TEAD1: variants seen among roughly 807,000 people sequenced by gnomAD.
TEAD1 encodes the protein TEA domain transcription factor 1.
In TEAD1, 9 loss-of-function variants were observed where a neutral mutation model predicts 54.9. The ratio of observed to expected loss-of-function variants is 0.16; its 90% CI spans 0.10 to 0.29. TEAD1 has a LOEUF of 0.29. TEAD1 is among the 10% of genes least tolerant of loss of function. The pLI is 1.00. For synonymous variants in TEAD1, 200 were observed against 187.8 expected (o/e 1.07, Z -0.53); for missense variants, 387 against 535.9 (o/e 0.72, Z 2.74).
intron 3 of TEAD1, among the ~76,000 whole-genome samples, chr11:12,791,265 A>G (rs1049215572): frequency 2.6e-5 from 4 of 152,230 alleles, no homozygotes; most frequent in Non-Finnish European, 5.9e-5. Flanking sequence ...AAGGAAATTC[A>G]GGAGTCTTTT....
At chr11:12,892,476 T>A (rs1948216693) in intron 9 of TEAD1, among the ~76,000 whole-genome samples, 1 of 152,026 alleles carries the variant, frequency 6.6e-6, no homozygotes, top group Non-Finnish European at 1.5e-5. Context: ...AATCCCCCGC[T>A]TCTACAAAAA....
intron 2 of TEAD1, among the ~76,000 whole-genome samples, chr11:12,676,143 A>G (rs541392001): frequency 2.7e-4 from 41 of 152,388 alleles, no homozygotes; most frequent in African/African-American, 9.4e-4. Context: ...AGCCTGCCAC[A>G]TTTCAAAATA....
chr11:12,742,210 G>C lies in TEAD1; in HGVS notation c.-54-21969G>C, dbSNP rs536878011. On this transcript the variant is annotated intron_variant, in intron 2 of 12. Coordinates refer to ENST00000527636, the MANE Select transcript of TEAD1 (RefSeq NM_021961.6). ...TTAGACTTTGAGTTCAAGGTGTGAT[G>C]AACCTGGGTTTGAATTTCACCTTGA... is the stretch of plus-strand genomic sequence containing the variant. Among the ~76,000 whole-genome samples the C allele has an allele frequency of 3.3e-5, 5 of 152,336 alleles. No homozygotes were observed. In the East Asian group the frequency reaches 7.7e-4, roughly 23 times the overall value.
intron 2 of TEAD1, among the ~76,000 whole-genome samples, chr11:12,744,671 G>A (rs1338417377): frequency 6.6e-6 from 1 of 152,038 alleles, no homozygotes; most frequent in Non-Finnish European, 1.5e-5. Context: ...TATAACTAGA[G>A]GTGTTCCAGA....
intron 3 of TEAD1, among the ~76,000 whole-genome samples, chr11:12,797,623 T>C (rs1445969420): frequency 6.6e-6 from 1 of 152,050 alleles, no homozygotes; most frequent in Non-Finnish European, 1.5e-5. Flanking sequence ...TGGTTATCTT[T>C]AAGGTTTTAT....
chr11:12,887,042 A>G (rs188926872), intron 9 of TEAD1, among the ~76,000 whole-genome samples: 20 of 151,934 alleles, frequency 1.3e-4, no homozygotes, highest in African/African-American at 4.3e-4. Flanking sequence ...GTTGAACACA[A>G]ATGATTTAAT....
intron 3 of TEAD1, among the ~76,000 whole-genome samples, chr11:12,776,956 G>T (rs1259930460): frequency 6.6e-6 from 1 of 151,760 alleles, no homozygotes; most frequent in Admixed American, 6.6e-5. Flanking sequence ...CACCATGCTC[G>T]GCTAATTTTG....
chr11:12,933,150 C>G (rs10734206), intron 12 of TEAD1, among the ~76,000 whole-genome samples: 61,452 of 151,946 alleles, frequency 0.4, 12,944 homozygotes, highest in African/African-American at 0.51. Context: ...TGTTAAGCAA[C>G]TCATCACTGT....
rs575471397 is a variant in TEAD1 at position 12,840,438 on chromosome 11, T to C, written c.203-21812T>C. Among the ~76,000 whole-genome samples, 52 of 152,078 alleles carry C rather than the reference T, an allele frequency of 3.4e-4. 1 individual carries two copies. Among genetic ancestry groups the C allele is most frequent in the Non-Finnish European group, 1.2e-4 (8 of 68,018 alleles). ...ATATTCAGTGTTGTGCTGGTAAATATAACCTCCTATAATTAAATTGTAAAG... is the reference window on the plus strand; with the variant it reads ...ATATTCAGTGTTGTGCTGGTAAATACAACCTCCTATAATTAAATTGTAAAG... On this transcript the variant is annotated intron_variant, in intron 3 of 12. Coordinates refer to ENST00000527636, the MANE Select transcript of TEAD1 (RefSeq NM_021961.6).
chr11:12,715,801 C>T (rs1944047385), intron 2 of TEAD1, among the ~76,000 whole-genome samples: 1 of 152,036 alleles, frequency 6.6e-6, no homozygotes. Context: ...AAAATTTATA[C>T]TAATAAATTA....
chr11:12,852,560 G>C (rs762792959), intron 3 of TEAD1, among the ~76,000 whole-genome samples: 1 of 150,876 alleles, frequency 6.6e-6, no homozygotes, highest in Non-Finnish European at 1.5e-5. Flanking sequence ...CAATTCCCTT[G>C]CCTCAGCCTC....
intron 2 of TEAD1, among the ~76,000 whole-genome samples, chr11:12,686,941 C>T (rs1223980608): frequency 6.6e-6 from 1 of 152,078 alleles, no homozygotes; most frequent in Admixed American, 6.5e-5. Flanking sequence ...AAAACAATGG[C>T]GTCTAGACTT....
chr11:12,800,447 T>A (rs1044102340), intron 3 of TEAD1, among the ~76,000 whole-genome samples: 1 of 152,214 alleles, frequency 6.6e-6, no homozygotes. Context: ...TGCTCTTGGA[T>A]AGTTCTCATA....
At chr11:12,678,889 G>A (rs1281625863) in intron 2 of TEAD1, among the ~76,000 whole-genome samples, 1 of 152,148 alleles carries the variant, frequency 6.6e-6, no homozygotes, top group Non-Finnish European at 1.5e-5. Flanking sequence ...TACAGAATAG[G>A]GTAGCTTTGA....
chr11:12,727,201 T>A (rs1374696377), intron 2 of TEAD1, among the ~76,000 whole-genome samples: 1 of 152,114 alleles, frequency 6.6e-6, no homozygotes, highest in Non-Finnish European at 1.5e-5. Flanking sequence ...GATGGCACCA[T>A]TGCACTCCAG....
intron 10 of TEAD1, among the ~76,000 whole-genome samples, chr11:12,913,301 T>C (rs1186528099): frequency 6.6e-6 from 1 of 152,070 alleles, no homozygotes; most frequent in Non-Finnish European, 1.5e-5. Context: ...GTGATGCAGG[T>C]TTGTTATGAA....
intron 3 of TEAD1, among the ~76,000 whole-genome samples, chr11:12,833,806 CA>C (rs765073333): frequency 3.3e-5 from 5 of 152,020 alleles, no homozygotes; most frequent in Non-Finnish European, 7.4e-5. Context: ...TTTAATTAGT[CA>C]TTTTATAGAT....
intron 2 of TEAD1, among the ~76,000 whole-genome samples, chr11:12,704,446 T>G (rs1229057982): frequency 6.6e-6 from 1 of 152,230 alleles, no homozygotes; most frequent in South Asian, 2.1e-4. Flanking sequence ...GTGCCTTTGC[T>G]TCCACCGGCA....
chr11:12,916,978 C>T (rs1948725299), intron 10 of TEAD1, among the ~76,000 whole-genome samples: 2 of 152,180 alleles, frequency 1.3e-5, no homozygotes, highest in Admixed American at 6.5e-5. Flanking sequence ...CAGAGGAGCT[C>T]ATTTCAACTT....
Sources: gnomAD v4.1 joint callset for allele counts (sites outside exome capture counted in the v4.1 genomes callset) on GRCh38, gnomAD v4.1.1 for gene constraint, MANE v1.5 for transcripts, NCBI Gene and HGNC (gene_info 2026-07-23, HGNC 2026-07-21) for gene names.